The following KLHL2 variants were observed in gnomAD, a reference collection of about 807,000 sequenced individuals.
KLHL2 encodes the protein kelch like family member 2, also known as kelch-like protein 2.
KLHL2 carries 15 observed loss-of-function variants against 75.8 expected under a neutral mutation model. That is an observed-to-expected ratio of 0.20 (90% CI 0.13 to 0.30). The LOEUF (loss-of-function observed/expected upper bound fraction) is 0.30, where lower values mean the gene tolerates loss of function less well. Among genes scored for constraint, KLHL2 ranks in the 10% least tolerant of loss-of-function variants. KLHL2 has a pLI of 1.00. For missense variants in KLHL2, 381 were observed against 741.0 expected (o/e 0.51, Z 5.64); for synonymous variants, 214 against 251.9 (o/e 0.85, Z 1.42).
intron 6 of KLHL2, among the ~76,000 whole-genome samples, chr4:165,295,493 G>C (rs1744840116): frequency 6.6e-6 from 1 of 152,146 alleles, no homozygotes; most frequent in African/African-American, 2.4e-5. Context: ...CTAGAGAAGA[G>C]AAGATTAGCA....
At chr4:165,237,539 T>C (rs942812763) in intron 3 of KLHL2, among the ~76,000 whole-genome samples, 2 of 151,880 alleles carry the variant, frequency 1.3e-5, no homozygotes, top group African/African-American at 4.8e-5. Flanking sequence ...TACACCACTA[T>C]TGTTATTTCT....
intron 2 of KLHL2, chr4:165,223,817 A>C (rs1738201641): frequency 5.1e-6 from 1 of 197,434 alleles, no homozygotes; most frequent in African/African-American, 2.4e-5. Flanking sequence ...ACATTTTCAA[A>C]ATCAACCCAA....
At chr4:165,283,676 G>A (rs772480565) in intron 5 of KLHL2, among the ~76,000 whole-genome samples, 1 of 152,130 alleles carries the variant, frequency 6.6e-6, no homozygotes, top group Admixed American at 6.5e-5. Context: ...TACCATTCTG[G>A]GTTCTGGAGG....
intron 5 of KLHL2, among the ~76,000 whole-genome samples, chr4:165,283,704 A>G (rs1236567841): frequency 6.6e-6 from 1 of 152,026 alleles, no homozygotes; most frequent in Non-Finnish European, 1.5e-5. Flanking sequence ...CCCTCTTCTC[A>G]CAGCTCCACT....
intron 3 of KLHL2, among the ~76,000 whole-genome samples, chr4:165,236,580 A>T (rs1315625406): frequency 1.3e-5 from 2 of 152,202 alleles, no homozygotes; most frequent in African/African-American, 4.8e-5. Context: ...CTGTTTAAAG[A>T]TTTCCTCTGA....
Position 165,254,557 on chromosome 4 carries a change from TGATTA to T in KLHL2, c.382-8638_382-8634del, listed in dbSNP as rs566413681. 3.8e-3 allele frequency among the ~76,000 whole-genome samples: 586 copies of T among 152,374 alleles called. 2 individuals carry two copies. The highest frequency in any genetic ancestry group is 0.021 in the South Asian group (100 of 4,830). On this transcript the variant is annotated intron_variant, in intron 4 of 14. Transcript: ENST00000226725. ...TTCCTTATTTGTTTTCTAAGACAGT[TGATTA>T]GTTTACAGTGACAGCAAAGATATGC...
intron 8 of KLHL2, among the ~76,000 whole-genome samples, chr4:165,302,236 G>A (rs971867086): frequency 1.1e-4 from 16 of 152,214 alleles, no homozygotes; most frequent in South Asian, 2.1e-4. Context: ...ACATATTTTC[G>A]AAAAGGTGCT....
intron 4 of KLHL2, among the ~76,000 whole-genome samples, chr4:165,251,860 C>T (rs1219902173): frequency 3.3e-5 from 5 of 152,072 alleles, no homozygotes; most frequent in South Asian, 4.1e-4. Context: ...CCGCCCGCCT[C>T]GGCCTCCCAA....
At chr4:165,278,622 A>T in intron 5 of KLHL2, 4 of 1,588,318 alleles carry the variant, frequency 2.5e-6, no homozygotes, top group Non-Finnish European at 3.5e-6. Context: ...ATTTCTTCTG[A>T]GGTCTTTATA....
Position 165,207,769 on chromosome 4 carries a change from G to C in KLHL2, c.-108G>C. ...TGAGGAGAGCGCGGCGCCCCCTCCG[G>C]GGCGGATGGAACGCGGCTCGGCGGG... On this transcript the variant is annotated 5_prime_UTR_variant, in exon 1 of 15. Coordinates refer to ENST00000226725, the MANE Select transcript of KLHL2 (RefSeq NM_007246.4). This position sits in a 1 kb window ranked among gnomAD's most constrained non-coding sequence, Gnocchi z 4.2. The C allele has an allele frequency of 1.0e-6, 1 of 1,001,720 alleles. No individual in the cohort carries two copies. The highest frequency in any genetic ancestry group is 1.8e-5 in the South Asian group (1 of 56,462). 62.1% of individuals were successfully genotyped at this position (1,001,720 alleles called of 1,614,324 possible).
intron 4 of KLHL2, among the ~76,000 whole-genome samples, chr4:165,241,743 T>C (rs2111117013): frequency 6.6e-6 from 1 of 152,360 alleles, no homozygotes; most frequent in African/African-American, 2.4e-5. Context: ...GCCATACCCC[T>C]GGTTTCCCAG....
chr4:165,245,760 C>T (rs1310150407), intron 4 of KLHL2, among the ~76,000 whole-genome samples: 2 of 152,256 alleles, frequency 1.3e-5, no homozygotes, highest in East Asian at 3.9e-4. Flanking sequence ...AGACCTGTAG[C>T]TGGATCAGGC....
intron 3 of KLHL2, among the ~76,000 whole-genome samples, chr4:165,236,213 T>C (rs1739334610): frequency 6.6e-6 from 1 of 152,190 alleles, no homozygotes; most frequent in Admixed American, 6.5e-5. Context: ...ACTGAGGTTT[T>C]TAGTATAGGT....
At chr4:165,237,322 A>G (rs1169479489) in intron 3 of KLHL2, among the ~76,000 whole-genome samples, 1 of 146,980 alleles carries the variant, frequency 6.8e-6, no homozygotes, top group Non-Finnish European at 1.5e-5. Flanking sequence ...CCGTAGCACC[A>G]GACATACAAC....
At chr4:165,218,975 A>G (rs1425496183) in intron 1 of KLHL2, among the ~76,000 whole-genome samples, 1 of 152,188 alleles carries the variant, frequency 6.6e-6, no homozygotes, top group Admixed American at 6.5e-5. Flanking sequence ...TAATTGTGCA[A>G]TCTAATGATT....
chr4:165,303,602 G>A (rs1023829329), intron 8 of KLHL2, among the ~76,000 whole-genome samples: 19 of 151,176 alleles, frequency 1.3e-4, no homozygotes, highest in African/African-American at 3.7e-4. Flanking sequence ...TCGCTCTTTC[G>A]CCCAGGCTGG....
At chr4:165,210,092 T>G in intron 1 of KLHL2, 1 of 1,551,674 alleles carries the variant, frequency 6.4e-7, no homozygotes, top group East Asian at 2.4e-5. Context: ...AAGTTAGATT[T>G]TTAGCCTGAG....
At position 165,271,573 on chromosome 4, in the gene KLHL2, G is replaced by A. The variant is rs192205130; in HGVS notation, c.544+8214G>A. On this transcript the variant is annotated intron_variant, in intron 5 of 14. Coordinates refer to ENST00000226725, the MANE Select transcript of KLHL2 (RefSeq NM_007246.4). ...TGGAGGAGTCTTTAGGGCTTTCTAG[G>A]TATAAGATCATATCATCAGCAAACA... Among the ~76,000 whole-genome samples, 138 of 152,236 alleles carry A rather than the reference G, an allele frequency of 9.1e-4. 1 individual carries two copies. The highest frequency in any genetic ancestry group is 2.9e-3 in the African/African-American group (122 of 41,536).
At chr4:165,231,985 A>C (rs6814883) in intron 3 of KLHL2, among the ~76,000 whole-genome samples, 1,748 of 152,196 alleles carry the variant, frequency 0.011, 30 homozygotes, top group African/African-American at 0.038. Context: ...TTGTAGTTTT[A>C]ATTTGCATTT....
Sources: gnomAD v4.1 joint callset for allele counts (sites outside exome capture counted in the v4.1 genomes callset) on GRCh38, gnomAD v4.1.1 for gene constraint, Gnocchi (gnomAD v3.1) non-coding constraint, MANE v1.5 for transcripts, NCBI Gene and HGNC (gene_info 2026-07-23, HGNC 2026-07-21) for gene names.